The following SOX5 variants were observed in gnomAD, a reference collection of about 807,000 sequenced individuals.
SOX5 encodes SRY-box transcription factor 5.
SOX5 carries 9 observed loss-of-function variants against 92.0 expected under a neutral mutation model. The observed-to-expected ratio is 0.10, with a 90% CI of 0.06 to 0.17. The LOEUF is 0.17. Among genes scored for constraint, SOX5 ranks in the 10% least tolerant of loss-of-function variants. The pLI, the probability that SOX5 is intolerant of heterozygous loss-of-function variation, is 1.00. For synonymous variants in SOX5, 344 were observed against 336.3 expected, an observed-to-expected ratio of 1.02 and a Z score of -0.25; for missense variants, 642 against 944.5, an observed-to-expected ratio of 0.68 and a Z score of 4.20.
chr12:23,607,066 C>G (rs989700111), intron 8 of SOX5, among the ~76,000 whole-genome samples: 7 of 152,096 alleles, frequency 4.6e-5, no homozygotes, highest in East Asian at 1.9e-4. Context: ...GCCCATAAAC[C>G]CTTTCTCATA....
At chr12:23,568,684 C>G (rs1053559034) in intron 10 of SOX5, among the ~76,000 whole-genome samples, 1 of 152,006 alleles carries the variant, frequency 6.6e-6, no homozygotes, top group Non-Finnish European at 1.5e-5. Context: ...AAGGTCTCTC[C>G]TTTACCCTCT....
chr12:24,064,480 TAACA>T (rs1157884829), intron 4 of SOX5, among the ~76,000 whole-genome samples: 1 of 152,324 alleles, frequency 6.6e-6, no homozygotes, highest in East Asian at 1.9e-4. Context: ...TTTTTACAGT[TAACA>T]AACTGTTTTC....
At chr12:23,542,365 C>G (rs143932091) in intron 13 of SOX5, among the ~76,000 whole-genome samples, 69 of 152,274 alleles carry the variant, frequency 4.5e-4, no homozygotes, top group African/African-American at 1.6e-3. Flanking sequence ...TGTCTAGTAT[C>G]TGGCCATCAG....
At chr12:23,547,814 C>T (rs1943423709) in intron 11 of SOX5, among the ~76,000 whole-genome samples, 1 of 152,044 alleles carries the variant, frequency 6.6e-6, no homozygotes, top group Admixed American at 6.6e-5. Context: ...ATAAGTTACG[C>T]ATTTAAAACT....
intron 1 of SOX5, among the ~76,000 whole-genome samples, chr12:24,483,542 A>G (rs1429413490): frequency 6.6e-6 from 1 of 152,240 alleles, no homozygotes. Context: ...TCCAGTTTGC[A>G]AGGACAAAGG....
intron 4 of SOX5, among the ~76,000 whole-genome samples, chr12:24,105,173 C>T (rs1485234084): frequency 6.6e-6 from 1 of 152,146 alleles, no homozygotes; most frequent in Non-Finnish European, 1.5e-5. Context: ...CCCTAAAGCA[C>T]ATTTGTTTAA....
intron 8 of SOX5, among the ~76,000 whole-genome samples, chr12:23,640,383 A>G (rs974092418): frequency 1.3e-5 from 2 of 152,212 alleles, no homozygotes; most frequent in African/African-American, 4.8e-5. Flanking sequence ...TAGCAAGAGA[A>G]CAAAGAGACC....
At chr12:24,128,178 T>C (rs1440137762) in intron 4 of SOX5, among the ~76,000 whole-genome samples, 3 of 152,222 alleles carry the variant, frequency 2.0e-5, no homozygotes, top group African/African-American at 4.8e-5. Context: ...GTTATTTGTA[T>C]TATTATCATA....
At chr12:23,967,607 C>T (rs1947748946) in intron 4 of SOX5, among the ~76,000 whole-genome samples, 1 of 151,884 alleles carries the variant, frequency 6.6e-6, no homozygotes, top group African/African-American at 2.4e-5. Flanking sequence ...TAATTTTAAG[C>T]CAATGGTTAC....
At chr12:24,273,940 A>G (rs1180922226) in intron 3 of SOX5, among the ~76,000 whole-genome samples, 1 of 152,188 alleles carries the variant, frequency 6.6e-6, no homozygotes, top group Non-Finnish European at 1.5e-5. Context: ...TTGTGAAACT[A>G]TATTCCTAGC....
intron 4 of SOX5, among the ~76,000 whole-genome samples, chr12:24,197,193 G>T (rs1459060002): frequency 6.6e-6 from 1 of 152,140 alleles, no homozygotes; most frequent in Non-Finnish European, 1.5e-5. Flanking sequence ...GATGCCTCAG[G>T]TTTTCATTTC....
chr12:24,301,225 T>C (rs1404633172), intron 2 of SOX5, among the ~76,000 whole-genome samples: 1 of 152,192 alleles, frequency 6.6e-6, no homozygotes, highest in Non-Finnish European at 1.5e-5. Context: ...AGTGTTCCAA[T>C]TCAAGAGACA....
intron 2 of SOX5, among the ~76,000 whole-genome samples, chr12:24,287,329 A>C (rs989235140): frequency 8.2e-5 from 12 of 147,084 alleles, no homozygotes; most frequent in Non-Finnish European, 1.2e-4. Context: ...TTTTTGAAAA[A>C]TTTACAGTAT....
chr12:23,854,534 T>G (rs2136240167), intron 2 of SOX5, among the ~76,000 whole-genome samples: 1 of 152,222 alleles, frequency 6.6e-6, no homozygotes, highest in Admixed American at 6.5e-5. Context: ...AAGTGAAAAT[T>G]AATTTATATG....
At chr12:23,926,942 T>A (rs1173438645) in intron 1 of SOX5, among the ~76,000 whole-genome samples, 2 of 152,018 alleles carry the variant, frequency 1.3e-5, no homozygotes, top group African/African-American at 4.8e-5. Context: ...ATAAAGAACT[T>A]TTTGTTGTAT....
chr12:23,924,386 G>A (rs73068220), intron 1 of SOX5, among the ~76,000 whole-genome samples: 2,012 of 152,124 alleles, frequency 0.013, 20 homozygotes, highest in Middle Eastern at 0.028. Context: ...TACACAAGGT[G>A]ACATGGTAGA....
chr12:23,883,036 C>A (rs1254909593), intron 2 of SOX5, among the ~76,000 whole-genome samples: 2 of 151,884 alleles, frequency 1.3e-5, no homozygotes, highest in East Asian at 3.9e-4. Context: ...AAAAAATAAG[C>A]CGGGCATAGT....
chr12:24,294,807 C>T (rs984551586), intron 2 of SOX5, among the ~76,000 whole-genome samples: 1 of 152,170 alleles, frequency 6.6e-6, no homozygotes, highest in African/African-American at 2.4e-5. Context: ...GGGATGAAGC[C>T]GACAGTGGCC....
intron 4 of SOX5, among the ~76,000 whole-genome samples, chr12:24,133,369 C>T (rs1261325322): frequency 2.0e-5 from 3 of 152,186 alleles, no homozygotes; most frequent in African/African-American, 7.2e-5. Flanking sequence ...TCAAAATAAC[C>T]TGGAACATCC....
Sources: allele counts gnomAD v4.1 joint callset (sites outside exome capture counted in the v4.1 genomes callset), GRCh38; gene constraint gnomAD v4.1.1; transcripts MANE v1.5; gene names NCBI Gene and HGNC (gene_info 2026-07-23, HGNC 2026-07-21).